KPNA1: variants seen among roughly 807,000 people sequenced by gnomAD.
The protein encoded by KPNA1 is importin subunit alpha-5.
In KPNA1, 10 loss-of-function variants were observed where a neutral mutation model predicts 70.5. The observed-to-expected ratio is 0.14, with a 90% CI of 0.09 to 0.24. The LOEUF is 0.24. KPNA1 is among the 10% of genes least tolerant of loss of function. KPNA1 has a pLI of 1.00. For missense variants in KPNA1, 397 were observed against 637.9 expected, an observed-to-expected ratio of 0.62 and a Z score of 4.07; for synonymous variants, 192 against 221.9, an observed-to-expected ratio of 0.87 and a Z score of 1.20.
intron 1 of KPNA1, among the ~76,000 whole-genome samples, chr3:122,499,322 T>C (rs763186433): frequency 2.0e-5 from 3 of 152,264 alleles, no homozygotes; most frequent in African/African-American, 7.2e-5. Context: ...TTGGATTTTC[T>C]GTAAAGGCAC....
intron 2 of KPNA1, among the ~76,000 whole-genome samples, chr3:122,488,847 G>A (rs978928447): frequency 6.6e-6 from 1 of 152,204 alleles, no homozygotes; most frequent in Non-Finnish European, 1.5e-5. Flanking sequence ...GATATGCCAT[G>A]ACGTAGTTTT....
At chr3:122,452,766 G>A (rs945993754) in intron 6 of KPNA1, among the ~76,000 whole-genome samples, 3 of 150,450 alleles carry the variant, frequency 2.0e-5, no homozygotes, top group Non-Finnish European at 4.4e-5. Context: ...AAGGAGAGAC[G>A]GAGAGAAGGA....
chr3:122,482,700 C>A (rs1360003321), intron 2 of KPNA1, among the ~76,000 whole-genome samples: 2 of 152,066 alleles, frequency 1.3e-5, no homozygotes, highest in African/African-American at 4.8e-5. Flanking sequence ...TACATATTAA[C>A]AATGAACAAC....
chr3:122,502,056 T>C (rs1172749187), intron 1 of KPNA1, among the ~76,000 whole-genome samples: 2 of 152,250 alleles, frequency 1.3e-5, no homozygotes, highest in African/African-American at 4.8e-5. Context: ...AATCACTAAT[T>C]TATAACATGC....
At chr3:122,480,172 G>T (rs1051331832) in intron 2 of KPNA1, among the ~76,000 whole-genome samples, 1 of 152,134 alleles carries the variant, frequency 6.6e-6, no homozygotes, top group Non-Finnish European at 1.5e-5. Flanking sequence ...GGGAAAGGAG[G>T]GACAAATAGG....
intron 10 of KPNA1, among the ~76,000 whole-genome samples, chr3:122,437,569 C>T (rs569030311): frequency 1.3e-5 from 2 of 152,308 alleles, no homozygotes; most frequent in East Asian, 3.9e-4. Context: ...ACTCATTCAC[C>T]TTCCCATCCC....
At chr3:122,446,683 GAA>G (rs1421458919) in intron 9 of KPNA1, among the ~76,000 whole-genome samples, 1 of 152,108 alleles carries the variant, frequency 6.6e-6, no homozygotes. Flanking sequence ...GAGCAGAACT[GAA>G]AGAGATACAG....
rs778415340 is a variant in KPNA1, at chr3:122,427,494, C to T, written c.1429+44G>A. On this transcript the variant is annotated intron_variant, in intron 13 of 13. Transcript: ENST00000344337. ...TTTTTACTGAACTCTATCTATGACC[C>T]AATTCATTCTTGGCCATAAACTTCT... 2.6e-6 allele frequency: 4 copies of T among 1,558,154 alleles called. No homozygotes were observed. The South Asian group carries it at 3.5e-5, about 14-fold the overall frequency.
intron 6 of KPNA1, among the ~76,000 whole-genome samples, chr3:122,452,552 G>GGAGGGAAGGAGGGAA (rs2076215690): frequency 2.9e-5 from 1 of 34,846 alleles, no homozygotes; most frequent in African/African-American, 1.1e-4. Flanking sequence ...GAAGGAGGGA[G>GGAGGGAAGGAGGGAA]GGAGGGAGGG....
chr3:122,452,113 A>G (rs1041043248), intron 6 of KPNA1, 49 bp from the exon 7 acceptor site: 11 of 1,246,192 alleles, frequency 8.8e-6, no homozygotes, highest in African/African-American at 1.5e-5. Flanking sequence ...TAATTCCCTC[A>G]TAATTCTTTC....
intron 1 of KPNA1, among the ~76,000 whole-genome samples, chr3:122,499,403 T>C (rs1281311423): frequency 1.3e-5 from 2 of 152,122 alleles, no homozygotes; most frequent in African/African-American, 2.4e-5. Context: ...TCAGATTCTG[T>C]CAAATGCTTT....
intron 2 of KPNA1, among the ~76,000 whole-genome samples, chr3:122,474,742 A>G (rs970250249): frequency 2.0e-5 from 3 of 152,208 alleles, no homozygotes; most frequent in Admixed American, 6.5e-5. Context: ...TCACATTAAC[A>G]GAATGAAGGA....
At chr3:122,507,082 T>C (rs549608948) in intron 1 of KPNA1, among the ~76,000 whole-genome samples, 34 of 152,310 alleles carry the variant, frequency 2.2e-4, no homozygotes, top group Admixed American at 1.8e-3. Flanking sequence ...AAAATCTGAA[T>C]GCTGGGAACA....
At chr3:122,486,362 G>C (rs951126713) in intron 2 of KPNA1, among the ~76,000 whole-genome samples, 9 of 152,122 alleles carry the variant, frequency 5.9e-5, no homozygotes, top group African/African-American at 1.7e-4. Flanking sequence ...TGTGAAACTA[G>C]AAAGAAAAAG....
At position 122,467,415 on chromosome 3, in the gene KPNA1, T is replaced by A; in HGVS notation, c.144A>T (p.Arg48Ser). The stretch of plus-strand genomic sequence containing the variant: ...TTTCTTCTTCTGCTGTAGCAACATT[T>A]CTCCGCTTGAATAACTGAAAGATAA... Reference protein sequence around the residue: ...QKREEQLFKRRNVATAEEETE... With the variant: ...QKREEQLFKRSNVATAEEETE... The change falls in exon 3 of 14, where the codon AGA becomes AGT. Residue 48 changes from arginine (R) to serine (S), a missense_variant. By Grantham distance (110) the Arg-to-Ser change is moderately radical. Transcript: ENST00000344337. 1 of 1,605,682 alleles carries A rather than the reference T, an allele frequency of 6.2e-7. No homozygotes were observed.
intron 4 of KPNA1, 118 bp downstream of exon 4, chr3:122,463,824 T>G (rs2076352051): frequency 2.0e-6 from 1 of 505,172 alleles, no homozygotes; most frequent in Non-Finnish European, 3.5e-6. Context: ...GTCTGTATTT[T>G]TATTCTTTTA....
At chr3:122,448,963 A>C (rs1037882517) in intron 9 of KPNA1, among the ~76,000 whole-genome samples, 4 of 152,218 alleles carry the variant, frequency 2.6e-5, no homozygotes, top group Non-Finnish European at 5.9e-5. Context: ...CATTATAACT[A>C]TCTAATATAT....
At chr3:122,431,204 G>A (rs542024408) in intron 12 of KPNA1, among the ~76,000 whole-genome samples, 22 of 152,024 alleles carry the variant, frequency 1.4e-4, no homozygotes, top group African/African-American at 5.1e-4. Flanking sequence ...CTCTGTCTCC[G>A]AGGGTGGAGT....
At chr3:122,443,639 A>G (rs2076095357) in intron 9 of KPNA1, among the ~76,000 whole-genome samples, 1 of 152,198 alleles carries the variant, frequency 6.6e-6, no homozygotes, top group Non-Finnish European at 1.5e-5. Context: ...GAGAAATTTT[A>G]CACCTGAGTC....
Sources: allele counts gnomAD v4.1 joint callset (sites outside exome capture counted in the v4.1 genomes callset), GRCh38; gene constraint gnomAD v4.1.1; transcripts MANE v1.5; gene names NCBI Gene and HGNC (gene_info 2026-07-23, HGNC 2026-07-21).